RBM33: variants seen among roughly 807,000 people sequenced by gnomAD.
The protein encoded by RBM33 is RNA binding motif protein 33.
RBM33 carries 28 observed loss-of-function variants against 132.6 expected under a neutral mutation model. The observed-to-expected ratio is 0.21, with a 90% CI of 0.16 to 0.29. The LOEUF (loss-of-function observed/expected upper bound fraction) is 0.29. RBM33 is among the 10% of genes least tolerant of loss of function. The pLI is 1.00. For synonymous variants in RBM33, 634 were observed against 593.0 expected (o/e 1.07, Z -1.01); for missense variants, 1,291 against 1,518.5 (o/e 0.85, Z 2.49).
intron 5 of RBM33, among the ~76,000 whole-genome samples, chr7:155,700,235 AAG>A (rs1242585600): frequency 2.2e-4 from 34 of 152,332 alleles, no homozygotes; most frequent in African/African-American, 8.2e-4. Flanking sequence ...AGTGAGATTG[AAG>A]TAAAAAGGAG....
At chr7:155,668,230 A>G (rs1262170652) in intron 2 of RBM33, among the ~76,000 whole-genome samples, 1 of 152,136 alleles carries the variant, frequency 6.6e-6, no homozygotes, top group African/African-American at 2.4e-5. Flanking sequence ...CAGTGTGGAT[A>G]TGTGTCTGTG....
At chr7:155,681,589 C>T (rs768630293) in intron 5 of RBM33, among the ~76,000 whole-genome samples, 9 of 151,484 alleles carry the variant, frequency 5.9e-5, no homozygotes, top group Non-Finnish European at 1.3e-4. Context: ...TTAAAATAAG[C>T]ATGTAACGAA....
chr7:155,702,964 G>A (rs1221849908), intron 6 of RBM33, among the ~76,000 whole-genome samples: 5 of 152,172 alleles, frequency 3.3e-5, no homozygotes, highest in African/African-American at 1.2e-4. Flanking sequence ...CTCCCTGTGG[G>A]CTGGCTGTGG....
At position 155,662,088 on chromosome 7, in the gene RBM33, CCGAAGCTTCTG is replaced by C. The variant is rs200758275; in HGVS notation, c.44-3086_44-3076del. Among the ~76,000 whole-genome samples the C allele has an allele frequency of 4.0e-3, 602 of 152,218 alleles. 5 individuals carry two copies. The highest frequency in any genetic ancestry group is 0.014 in the African/African-American group (581 of 41,544). Reference sequence around the variant, plus strand: ...TTTTAATGAAGTGTTCACCCCTCCGCCGAAGCTTCTGATGTTGCTCCGCAGTGACCACAGCC... The same window carrying C: ...TTTTAATGAAGTGTTCACCCCTCCGCATGTTGCTCCGCAGTGACCACAGCC... On this transcript the variant is annotated intron_variant, in intron 1 of 17. Coordinates refer to ENST00000401878, the MANE Select transcript of RBM33 (RefSeq NM_053043.3).
At chr7:155,682,394 C>T (rs1307792301) in intron 5 of RBM33, among the ~76,000 whole-genome samples, 1 of 152,208 alleles carries the variant, frequency 6.6e-6, no homozygotes, top group Non-Finnish European at 1.5e-5. Context: ...CTAATGTAGG[C>T]ACGTGCCTTC....
rs78973724 is a variant in RBM33 at position 155,778,037 on chromosome 7, G to A, written c.*2996G>A. 5.6e-3 allele frequency: 858 copies of A among 152,754 alleles called. 4 individuals are homozygous for A. Among genetic ancestry groups the A allele is most frequent in the Middle Eastern group, 0.01 (3 of 294 alleles). 9.5% of individuals were successfully genotyped at this position (152,754 alleles called of 1,614,324 possible). A position where few individuals can be genotyped will look rare whatever the true frequency, so the allele number is the denominator to read the frequency against. Reference sequence around the variant, plus strand: ...CTTGCATTACCACTGGTCTGGCCACGTTTGTTAAATCCTTATACTGATATT... The same window carrying A: ...CTTGCATTACCACTGGTCTGGCCACATTTGTTAAATCCTTATACTGATATT... On this transcript the variant is annotated 3_prime_UTR_variant, in exon 18 of 18. Transcript: ENST00000401878. The surrounding 1 kb of genome is among the most constrained non-coding windows in gnomAD (Gnocchi z 4.0).
At chr7:155,759,415 C>CTTTTTTTTTTTTT (rs58449648) in intron 14 of RBM33, among the ~76,000 whole-genome samples, 10 of 113,996 alleles carry the variant, frequency 8.8e-5, no homozygotes, top group Non-Finnish European at 1.8e-4. Flanking sequence ...TGTTTATGTT[C>CTTTTTTTTTTTTT]TTTTTTTTTT....
intron 9 of RBM33, among the ~76,000 whole-genome samples, chr7:155,733,511 G>A (rs1801019625): frequency 1.1e-5 from 1 of 88,376 alleles, no homozygotes; most frequent in African/African-American, 5.3e-5. Context: ...CTCACTGTGT[G>A]TTGATGAGTT....
intron 6 of RBM33, 57 bp downstream of exon 6, chr7:155,701,001 G>C (rs891915475): frequency 7.1e-7 from 1 of 1,404,946 alleles, no homozygotes; most frequent in Admixed American, 1.9e-5. Flanking sequence ...TTCCTCCATA[G>C]TATTGCTGTA....
chr7:155,748,827 T>C (rs541135187), intron 14 of RBM33, among the ~76,000 whole-genome samples: 1 of 152,276 alleles, frequency 6.6e-6, no homozygotes, highest in East Asian at 1.9e-4. Flanking sequence ...CGAAAAGAGA[T>C]GAGCAGCATG....
chr7:155,768,822 C>G (rs138701201), intron 16 of RBM33, among the ~76,000 whole-genome samples: 2 of 152,084 alleles, frequency 1.3e-5, no homozygotes, highest in Non-Finnish European at 2.9e-5. Context: ...ACTGTGTTAG[C>G]CAGGATGGTC....
Position 155,673,419 on chromosome 7 carries a change from T to G in RBM33, c.171+504T>G, listed in dbSNP as rs1293655559. Among the ~76,000 whole-genome samples the G allele has an allele frequency of 5.6e-3, 841 of 149,384 alleles. 13 individuals carry two copies. The highest frequency in any genetic ancestry group is 6.5e-3 in the Non-Finnish European group (439 of 67,388). On this transcript the variant is annotated intron_variant, in intron 3 of 17. Coordinates refer to ENST00000401878, the MANE Select transcript of RBM33 (RefSeq NM_053043.3). ...TATATATATTGTGTGTGTGTGTGTG[T>G]GTGTGTGTGTGTGTGTGTGTGTATG...
intron 3 of RBM33, among the ~76,000 whole-genome samples, chr7:155,674,887 A>G (rs1585423441): frequency 6.6e-6 from 1 of 152,210 alleles, no homozygotes; most frequent in East Asian, 1.9e-4. Flanking sequence ...AAATAAATGC[A>G]TTGTACCTTA....
At chr7:155,747,159 C>T (rs1801543029) in intron 14 of RBM33, among the ~76,000 whole-genome samples, 1 of 152,180 alleles carries the variant, frequency 6.6e-6, no homozygotes, top group Admixed American at 6.5e-5. Flanking sequence ...TTTCTCACAT[C>T]TATTCGTTGT....
At chr7:155,678,522 A>T (rs1799247972) in intron 3 of RBM33, 86 bp from the exon 4 acceptor site, 1 of 836,348 alleles carries the variant, frequency 1.2e-6, no homozygotes, top group African/African-American at 1.7e-5. Flanking sequence ...AAGGCTAGGA[A>T]CAATTCAGTC....
At chr7:155,742,247 T>G in intron 13 of RBM33, 141 bp downstream of exon 13, 1 of 706,168 alleles carries the variant, frequency 1.4e-6, no homozygotes, top group Non-Finnish European at 2.3e-6. Flanking sequence ...TTTTTTAACC[T>G]AACAGCCATG....
chr7:155,707,635 G>T (rs942631684), intron 7 of RBM33, among the ~76,000 whole-genome samples: 8 of 151,998 alleles, frequency 5.3e-5, no homozygotes, highest in African/African-American at 1.9e-4. Context: ...CAGAAACAAA[G>T]ACAGAAATTA....
intron 9 of RBM33, among the ~76,000 whole-genome samples, chr7:155,737,197 G>GTGTAC (rs1801151612): frequency 1.3e-5 from 2 of 152,172 alleles, no homozygotes; most frequent in African/African-American, 4.8e-5. Context: ...AGCTACTAGT[G>GTGTAC]TGTACTATAC....
At chr7:155,763,262 T>C (rs1350116288) in intron 14 of RBM33, among the ~76,000 whole-genome samples, 2 of 152,250 alleles carry the variant, frequency 1.3e-5, no homozygotes, top group Non-Finnish European at 2.9e-5. Flanking sequence ...TTCAGAGCAC[T>C]GCATTGGAGA....
Sources: gnomAD v4.1 joint callset for allele counts (sites outside exome capture counted in the v4.1 genomes callset) on GRCh38, gnomAD v4.1.1 for gene constraint, Gnocchi (gnomAD v3.1) non-coding constraint, MANE v1.5 for transcripts, NCBI Gene and HGNC (gene_info 2026-07-23, HGNC 2026-07-21) for gene names.